AUTS2: variants seen among roughly 807,000 people sequenced by gnomAD.
AUTS2 encodes the protein activator of transcription and developmental regulator AUTS2.
Under a neutral mutation model 112.4 loss-of-function variants are expected in AUTS2, and 17 were observed. The observed-to-expected ratio is 0.15, with a 90% CI of 0.10 to 0.23. The LOEUF (loss-of-function observed/expected upper bound fraction) is 0.23. AUTS2 is among the 10% of genes least tolerant of loss of function. The pLI, the probability that AUTS2 is intolerant of heterozygous loss-of-function variation, is 1.00. For synonymous variants in AUTS2, 751 were observed against 702.7 expected, an observed-to-expected ratio of 1.07 and a Z score of -1.09; for missense variants, 1,510 against 1,701.6, an observed-to-expected ratio of 0.89 and a Z score of 1.98.
intron 14 of AUTS2, among the ~76,000 whole-genome samples, chr7:70,778,384 AC>A (rs1319183701): frequency 6.6e-6 from 1 of 152,216 alleles, no homozygotes; most frequent in Non-Finnish European, 1.5e-5. Context: ...TGAAAGAAAT[AC>A]AGGAGACCAA....
At chr7:70,317,704 G>A (rs977038298) in intron 4 of AUTS2, among the ~76,000 whole-genome samples, 1 of 152,178 alleles carries the variant, frequency 6.6e-6, no homozygotes, top group Admixed American at 6.5e-5. Flanking sequence ...AGCTCCCTCA[G>A]GCTGGCACAT....
At chr7:70,699,159 A>G (rs1483632918) in intron 6 of AUTS2, 1 of 152,230 alleles carries the variant, frequency 6.6e-6, no homozygotes, top group Non-Finnish European at 1.5e-5. Flanking sequence ...GGCTAATGAT[A>G]TAGCAGTACA....
chr7:70,488,253 A>G (rs1291846745), intron 5 of AUTS2, among the ~76,000 whole-genome samples: 3 of 152,212 alleles, frequency 2.0e-5, no homozygotes, highest in African/African-American at 7.2e-5. Context: ...CAGTGTGGCT[A>G]TGGACAGATT....
At chr7:69,956,444 T>C (rs1338193935) in intron 2 of AUTS2, among the ~76,000 whole-genome samples, 1 of 152,160 alleles carries the variant, frequency 6.6e-6, no homozygotes, top group Non-Finnish European at 1.5e-5. Flanking sequence ...GTAACCGTTA[T>C]TACTCACTAA....
intron 1 of AUTS2, among the ~76,000 whole-genome samples, chr7:69,863,664 A>G (rs1793090982): frequency 6.6e-6 from 1 of 152,336 alleles, no homozygotes; most frequent in East Asian, 1.9e-4. Flanking sequence ...CACGTGTATG[A>G]CTTAGAAGAA....
intron 4 of AUTS2, among the ~76,000 whole-genome samples, chr7:70,366,623 C>T (rs191787198): frequency 9.2e-5 from 14 of 152,088 alleles, no homozygotes; most frequent in African/African-American, 2.4e-4. Flanking sequence ...CTGATAAACT[C>T]GGGGAAATCA....
At chr7:70,599,093 C>G (rs1803344653) in intron 5 of AUTS2, among the ~76,000 whole-genome samples, 1 of 152,218 alleles carries the variant, frequency 6.6e-6, no homozygotes, top group African/African-American at 2.4e-5. Context: ...CCTGCATAGG[C>G]TGTGTAGTGG....
intron 1 of AUTS2, among the ~76,000 whole-genome samples, chr7:69,893,124 G>A (rs1794597304): frequency 6.6e-6 from 1 of 152,244 alleles, no homozygotes; most frequent in Non-Finnish European, 1.5e-5. Context: ...AGATGGCAAT[G>A]TGTATGCACA....
chr7:70,495,874 A>G (rs1377026600), intron 5 of AUTS2, among the ~76,000 whole-genome samples: 1 of 135,270 alleles, frequency 7.4e-6, no homozygotes, highest in Non-Finnish European at 1.5e-5. Flanking sequence ...CGCCCCACAC[A>G]TGCACATGTC....
chr7:69,871,720 T>G (rs1265281131), intron 1 of AUTS2, among the ~76,000 whole-genome samples: 1 of 152,198 alleles, frequency 6.6e-6, no homozygotes, highest in Non-Finnish European at 1.5e-5. Context: ...GTGGACATGC[T>G]GGACAAAGGG....
chr7:70,218,811 A>G (rs1811311362), intron 4 of AUTS2, among the ~76,000 whole-genome samples: 1 of 152,148 alleles, frequency 6.6e-6, no homozygotes, highest in Non-Finnish European at 1.5e-5. Context: ...CCACCTGACC[A>G]TCAGCCAGAA....
chr7:70,765,788 G>A (rs1789899290), intron 8 of AUTS2, among the ~76,000 whole-genome samples: 1 of 152,190 alleles, frequency 6.6e-6, no homozygotes, highest in African/African-American at 2.4e-5. Context: ...CTGGCCCTCA[G>A]ATGGGTTATT....
chr7:70,318,184 G>T (rs1329146525), intron 4 of AUTS2, among the ~76,000 whole-genome samples: 1 of 152,080 alleles, frequency 6.6e-6, no homozygotes, highest in African/African-American at 2.4e-5. Context: ...GTATAATATT[G>T]TAGGAGAAGG....
intron 4 of AUTS2, among the ~76,000 whole-genome samples, chr7:70,160,567 C>G (rs938759331): frequency 1.3e-5 from 2 of 152,160 alleles, no homozygotes; most frequent in Non-Finnish European, 2.9e-5. Flanking sequence ...AAAAGATGGT[C>G]TTAACAAAGA....
intron 4 of AUTS2, among the ~76,000 whole-genome samples, chr7:70,221,201 C>A (rs936648888): frequency 1.3e-5 from 2 of 152,230 alleles, no homozygotes; most frequent in African/African-American, 2.4e-5. Context: ...AGCCACCACA[C>A]CTGGCTGCTT....
At chr7:70,605,540 C>CTT (rs1803691102) in intron 5 of AUTS2, among the ~76,000 whole-genome samples, 3 of 68,056 alleles carry the variant, frequency 4.4e-5, no homozygotes, top group Non-Finnish European at 5.4e-5. Flanking sequence ...TTCTTTCCTT[C>CTT]TTTCTCTTTT....
chr7:69,610,629 T>C (rs1227529409), intron 1 of AUTS2, among the ~76,000 whole-genome samples: 2 of 152,214 alleles, frequency 1.3e-5, no homozygotes, highest in African/African-American at 4.8e-5. Context: ...CTTCAGGTTT[T>C]ATACCTCACT....
intron 4 of AUTS2, among the ~76,000 whole-genome samples, chr7:70,326,727 A>G (rs901049365): frequency 1.3e-5 from 2 of 152,154 alleles, no homozygotes; most frequent in African/African-American, 4.8e-5. Context: ...GTAAGGTTGG[A>G]CATTTATTTC....
At chr7:70,483,373 G>A (rs543575294) in intron 5 of AUTS2, among the ~76,000 whole-genome samples, 32 of 152,338 alleles carry the variant, frequency 2.1e-4, no homozygotes, top group African/African-American at 7.5e-4. Context: ...TTGCCAACTA[G>A]TCATGTTCCT....
Sources: allele counts gnomAD v4.1 joint callset (sites outside exome capture counted in the v4.1 genomes callset), GRCh38; gene constraint gnomAD v4.1.1; transcripts MANE v1.5; gene names NCBI Gene and HGNC (gene_info 2026-07-23, HGNC 2026-07-21).